The following DLG2 variants were observed in gnomAD, a reference collection of about 807,000 sequenced individuals.
The protein encoded by DLG2 is discs large MAGUK scaffold protein 2.
A neutral mutation model predicts 132.5 loss-of-function variants in DLG2; 45 were observed. The observed-to-expected ratio is 0.34, with a 90% CI of 0.27 to 0.44. DLG2 has a LOEUF of 0.44. Among genes scored for constraint, DLG2 ranks in the 20% least tolerant of loss-of-function variants. The pLI, the probability that DLG2 is intolerant of heterozygous loss-of-function variation, is 1.00. For missense variants in DLG2, 1,045 were observed against 1,196.9 expected, an observed-to-expected ratio of 0.87 and a Z score of 1.87; for synonymous variants, 424 against 419.6, an observed-to-expected ratio of 1.01 and a Z score of -0.13.
chr11:84,467,286 T>G (rs1209285311), intron 7 of DLG2, among the ~76,000 whole-genome samples: 1 of 151,428 alleles, frequency 6.6e-6, no homozygotes, highest in Non-Finnish European at 1.5e-5. Flanking sequence ...ATTATTAGAA[T>G]TGATTTTTAC....
rs534990925 is a variant in DLG2, at chr11:83,844,106, T to C, written c.1566-10336A>G. Among the ~76,000 whole-genome samples the C allele has an allele frequency of 7.2e-5, 11 of 152,066 alleles. 3 individuals are homozygous for C. The highest frequency in any genetic ancestry group is 2.4e-4 in the African/African-American group (10 of 41,460). Reference sequence around the variant, plus strand: ...GAATAGGACTGTGTGAGCCCAGTGGTGGGATTAGATCAGAGACACCTGAGC... The same window carrying C: ...GAATAGGACTGTGTGAGCCCAGTGGCGGGATTAGATCAGAGACACCTGAGC... On this transcript the variant is annotated intron_variant, in intron 16 of 27. Coordinates refer to ENST00000376104, the MANE Select transcript of DLG2 (RefSeq NM_001142699.3).
chr11:84,794,791 C>T (rs1268312845), intron 6 of DLG2, among the ~76,000 whole-genome samples: 1 of 152,232 alleles, frequency 6.6e-6, no homozygotes, highest in Non-Finnish European at 1.5e-5. Context: ...CACTGACATG[C>T]CAGCCCCTGC....
chr11:83,480,366 A>T, intron 22 of DLG2: 4 of 1,534,754 alleles, frequency 2.6e-6, no homozygotes, highest in Non-Finnish European at 3.5e-6. Context: ...CAAAGCAGTA[A>T]CTTACGGTAG....
chr11:83,492,396 T>C (rs2138317498), intron 21 of DLG2, among the ~76,000 whole-genome samples: 1 of 152,136 alleles, frequency 6.6e-6, no homozygotes, highest in African/African-American at 2.4e-5. Context: ...ATTGGGGGTA[T>C]TTGGACTCAG....
intron 8 of DLG2, among the ~76,000 whole-genome samples, chr11:84,186,998 A>G (rs1420131292): frequency 6.6e-6 from 1 of 151,882 alleles, no homozygotes; most frequent in African/African-American, 2.4e-5. Context: ...ACAACCAGAA[A>G]GAAGTATGGT....
chr11:83,677,072 G>A (rs1470940321), intron 18 of DLG2, among the ~76,000 whole-genome samples: 1 of 152,100 alleles, frequency 6.6e-6, no homozygotes, highest in Non-Finnish European at 1.5e-5. Context: ...AGAGTTAGAT[G>A]TTCACAATAT....
intron 18 of DLG2, among the ~76,000 whole-genome samples, chr11:83,703,434 G>A (rs1193524626): frequency 6.6e-6 from 1 of 152,222 alleles, no homozygotes; most frequent in Non-Finnish European, 1.5e-5. Flanking sequence ...TGGATCACCT[G>A]AGGTCGGGAG....
intron 18 of DLG2, among the ~76,000 whole-genome samples, chr11:83,706,860 TTGAG>T (rs1304555723): frequency 6.6e-6 from 1 of 152,198 alleles, no homozygotes; most frequent in Non-Finnish European, 1.5e-5. Flanking sequence ...CAGCAATGCC[TTGAG>T]TTAGTTTGGC....
At chr11:84,119,722 C>T (rs568713866) in intron 9 of DLG2, among the ~76,000 whole-genome samples, 49 of 152,206 alleles carry the variant, frequency 3.2e-4, no homozygotes, top group Admixed American at 2.2e-3. Context: ...CTAAGAATTT[C>T]ACTTCTTAAA....
At chr11:83,941,250 C>T (rs563115048) in intron 14 of DLG2, among the ~76,000 whole-genome samples, 57 of 147,986 alleles carry the variant, frequency 3.9e-4, no homozygotes, top group African/African-American at 1.2e-3. Flanking sequence ...TCTGCCAGCC[C>T]CATCACCTTG....
chr11:85,140,661 A>G (rs1341292231), intron 5 of DLG2, among the ~76,000 whole-genome samples: 1 of 151,658 alleles, frequency 6.6e-6, no homozygotes, highest in South Asian at 2.1e-4. Flanking sequence ...GTTATCAAAT[A>G]CTAGATCTTA....
chr11:85,494,222 C>T (rs1469661678), intron 3 of DLG2, among the ~76,000 whole-genome samples: 1 of 152,150 alleles, frequency 6.6e-6, no homozygotes, highest in Admixed American at 6.5e-5. Context: ...CCACAGCAAA[C>T]CTTACTGTCT....
chr11:83,604,915 C>A (rs2059101565), intron 19 of DLG2, among the ~76,000 whole-genome samples: 1 of 151,954 alleles, frequency 6.6e-6, no homozygotes, highest in African/African-American at 2.4e-5. Flanking sequence ...TAAGCTCCTG[C>A]ACTAGGCCCA....
chr11:84,117,959 G>A (rs1409847460), intron 9 of DLG2, among the ~76,000 whole-genome samples: 3 of 152,022 alleles, frequency 2.0e-5, no homozygotes, highest in Non-Finnish European at 4.4e-5. Context: ...AGGTTCAAGC[G>A]ATTCTCCTGC....
intron 6 of DLG2, among the ~76,000 whole-genome samples, chr11:84,857,666 A>G (rs956616111): frequency 6.6e-6 from 1 of 152,108 alleles, no homozygotes; most frequent in Non-Finnish European, 1.5e-5. Flanking sequence ...TTTAAAAATT[A>G]TTCCCACTTT....
chr11:85,169,900 G>C (rs1313532735), intron 4 of DLG2, among the ~76,000 whole-genome samples: 1 of 152,088 alleles, frequency 6.6e-6, no homozygotes, highest in Non-Finnish European at 1.5e-5. Context: ...ATGTCAAAGA[G>C]CTATACTTTT....
chr11:83,703,852 A>G (rs1334196038), intron 18 of DLG2, among the ~76,000 whole-genome samples: 1 of 152,220 alleles, frequency 6.6e-6, no homozygotes, highest in Non-Finnish European at 1.5e-5. Flanking sequence ...AATAATGGTA[A>G]ATAGGCTAAG....
intron 6 of DLG2, among the ~76,000 whole-genome samples, chr11:84,872,533 C>T (rs560877790): frequency 2.6e-5 from 4 of 152,242 alleles, no homozygotes; most frequent in African/African-American, 4.8e-5. Context: ...ACAATGCCCT[C>T]GTAGCAAAGT....
intron 6 of DLG2, among the ~76,000 whole-genome samples, chr11:84,661,191 A>AGTTTT (rs1212386594): frequency 1.2e-4 from 19 of 152,128 alleles, no homozygotes; most frequent in Non-Finnish European, 2.1e-4. Flanking sequence ...CTTTGCAGGT[A>AGTTTT]GTTTTGTTTT....
Sources: allele counts gnomAD v4.1 joint callset (sites outside exome capture counted in the v4.1 genomes callset), GRCh38; gene constraint gnomAD v4.1.1; transcripts MANE v1.5; gene names NCBI Gene and HGNC (gene_info 2026-07-23, HGNC 2026-07-21).